The following ELAPOR1 variants were observed in gnomAD, a reference collection of about 807,000 sequenced individuals.
The protein encoded by ELAPOR1 is endosome/lysosome-associated apoptosis and autophagy regulator 1.
Under a neutral mutation model 119.7 loss-of-function variants are expected in ELAPOR1, and 77 were observed. The observed-to-expected ratio is 0.64, with a 90% CI of 0.54 to 0.78. ELAPOR1 has a LOEUF of 0.78. Ranked by LOEUF, ELAPOR1 falls within the 30% of genes least tolerant of loss-of-function variation. The pLI is 0.00. For synonymous variants in ELAPOR1, 481 were observed against 487.2 expected (o/e 0.99, Z 0.17); for missense variants, 1,115 against 1,270.4 (o/e 0.88, Z 1.86).
In ELAPOR1 at chr1:109,166,355, T is replaced by G. The variant is rs116155525; in HGVS notation, c.467+1664T>G. ...GGCATGGGCCACCTTGGCTGCTAAC[T>G]TCTGAAACTGATTCTGCCTAGCCTT... On this transcript the variant is annotated intron_variant, in intron 3 of 21. Coordinates refer to ENST00000369939, the MANE Select transcript of ELAPOR1 (RefSeq NM_020775.5). 7.9e-3 allele frequency among the ~76,000 whole-genome samples: 1,206 copies of G among 152,298 alleles called. 17 individuals carry two copies. The highest frequency in any genetic ancestry group is 0.022 in the African/African-American group (914 of 41,558).
intron 1 of ELAPOR1, among the ~76,000 whole-genome samples, chr1:109,152,861 G>A (rs1477804513): frequency 6.7e-6 from 1 of 149,900 alleles, no homozygotes; most frequent in Non-Finnish European, 1.5e-5. Context: ...TGAGAGGATG[G>A]CCTGAGTTCG....
intron 15 of ELAPOR1, among the ~76,000 whole-genome samples, chr1:109,195,472 C>T (rs904161701): frequency 3.3e-4 from 49 of 147,388 alleles, no homozygotes; most frequent in Admixed American, 9.6e-4. Flanking sequence ...CCAGCCTGGG[C>T]GACAGAGTGA....
intron 8 of ELAPOR1, chr1:109,187,330 G>C (rs1040249889): frequency 9.1e-6 from 9 of 985,404 alleles, no homozygotes; most frequent in African/African-American, 8.7e-5. Context: ...CCTCCGCAGG[G>C]AAGAGGGCCG....
intron 4 of ELAPOR1, 29 bp from the exon 5 acceptor site, chr1:109,172,459 A>T: frequency 6.4e-7 from 1 of 1,552,070 alleles, no homozygotes; most frequent in Non-Finnish European, 8.9e-7. Flanking sequence ...GAAAGCTGAG[A>T]CTCTGGTCCC....
intron 1 of ELAPOR1, among the ~76,000 whole-genome samples, chr1:109,116,123 A>G (rs982124955): frequency 1.4e-4 from 22 of 152,250 alleles, no homozygotes; most frequent in African/African-American, 5.3e-4. Flanking sequence ...AGGGAAGAAT[A>G]TTGATACTTG....
At chr1:109,187,955 G>A in intron 8 of ELAPOR1, 3 of 1,292,790 alleles carry the variant, frequency 2.3e-6, no homozygotes, top group Non-Finnish European at 3.0e-6. Flanking sequence ...TGTCACCCAG[G>A]CAACATTCAT....
intron 1 of ELAPOR1, among the ~76,000 whole-genome samples, chr1:109,139,066 C>T (rs927182108): frequency 6.6e-6 from 1 of 151,882 alleles, no homozygotes; most frequent in Non-Finnish European, 1.5e-5. Context: ...AAAGTTACCT[C>T]GTGGCTGGGC....
At position 109,183,590 on chromosome 1, in the gene ELAPOR1, T is replaced by TTCCCTCCC. The variant is rs768928752; in HGVS notation, c.953-1452_953-1451insCTCCCTCC. 1.1e-3 allele frequency among the ~76,000 whole-genome samples: 116 copies of TTCCCTCCC among 108,316 alleles called. 12 individuals are homozygous for TTCCCTCCC. Among genetic ancestry groups the TTCCCTCCC allele is most frequent in the Non-Finnish European group, 1.9e-3 (102 of 54,500 alleles). The allele number at this position is 108,316 out of a possible 152,430, so 71.1% of individuals were successfully genotyped here. A position where few individuals can be genotyped will look rare whatever the true frequency, so the allele number is the denominator to read the frequency against. ...CTTCCTTCCTTCCTTCCTTCCTTCCTTCCTTCCTTCCTTCCTTCCATCCTT... is the reference window on the plus strand; with the variant it reads ...CTTCCTTCCTTCCTTCCTTCCTTCCTTCCCTCCCTCCTTCCTTCCTTCCTTCCATCCTT... On this transcript the variant is annotated intron_variant, in intron 7 of 21. Transcript: ENST00000369939.
intron 7 of ELAPOR1, among the ~76,000 whole-genome samples, chr1:109,182,106 CAG>C (rs1353677024): frequency 7.9e-5 from 12 of 152,208 alleles, no homozygotes; most frequent in African/African-American, 2.4e-4. Context: ...CTAAGGCAGG[CAG>C]ATCACGAGGT....
rs145399888 is a variant in ELAPOR1 at position 109,186,256 on chromosome 1, G to T, written c.1041+1123G>T. 6.9e-3 allele frequency among the ~76,000 whole-genome samples: 1,054 copies of T among 152,232 alleles called. 14 individuals carry two copies. The highest frequency in any genetic ancestry group is 0.024 in the African/African-American group (1,003 of 41,528). On this transcript the variant is annotated intron_variant, in intron 8 of 21. Transcript: ENST00000369939. The stretch of plus-strand genomic sequence containing the variant: ...GGAGAGGAGGCGGCAGCTGGGCCAG[G>T]TGGGTGGAGAAACAGTGTAAGTGAG...
chr1:109,123,655 T>C (rs1008675973), intron 1 of ELAPOR1, among the ~76,000 whole-genome samples: 3 of 152,230 alleles, frequency 2.0e-5, no homozygotes, highest in Non-Finnish European at 4.4e-5. Flanking sequence ...ATTCTAATAA[T>C]TCAAGAAATA....
chr1:109,160,435 AAC>A (rs1489415071), intron 1 of ELAPOR1, among the ~76,000 whole-genome samples: 2 of 152,190 alleles, frequency 1.3e-5, no homozygotes, highest in African/African-American at 4.8e-5. Flanking sequence ...CTTAAAACAT[AAC>A]ACAATTCTTC....
intron 1 of ELAPOR1, among the ~76,000 whole-genome samples, chr1:109,160,365 C>A (rs957485847): frequency 1.3e-5 from 2 of 151,358 alleles, no homozygotes; most frequent in African/African-American, 4.9e-5. Context: ...TCTGAAATGC[C>A]ACTGCTTCTA....
intron 5 of ELAPOR1, among the ~76,000 whole-genome samples, chr1:109,173,245 G>A (rs1192579634): frequency 2.6e-5 from 4 of 152,112 alleles, no homozygotes; most frequent in African/African-American, 9.7e-5. Flanking sequence ...AGATGCTCAT[G>A]GTATATATGA....
chr1:109,182,740 G>A (rs908598999), intron 7 of ELAPOR1, among the ~76,000 whole-genome samples: 3 of 151,912 alleles, frequency 2.0e-5, no homozygotes, highest in East Asian at 3.9e-4. Context: ...GGTGGCGGGC[G>A]CCTGTAGTCC....
chr1:109,180,644 G>T (rs372899262), intron 7 of ELAPOR1, among the ~76,000 whole-genome samples: 2 of 152,172 alleles, frequency 1.3e-5, no homozygotes, highest in Admixed American at 6.5e-5. Flanking sequence ...TTTACCTTAA[G>T]CCCTGTCCCA....
At position 109,128,984 on chromosome 1, in the gene ELAPOR1, G is replaced by T. The variant is rs570937957; in HGVS notation, c.153+14648G>T. ...CCTGAACATTTAACATCTACCTGTA[G>T]CTCATTCTGGGATACATTTAAGAAA... On this transcript the variant is annotated intron_variant, in intron 1 of 21. Transcript: ENST00000369939. Among the ~76,000 whole-genome samples, 3 of 152,308 alleles carry T rather than the reference G, an allele frequency of 2.0e-5. No homozygotes were observed. In the East Asian group the frequency reaches 5.8e-4, roughly 29 times the overall value.
rs565557816 is a variant in ELAPOR1, at chr1:109,137,690, G to A, written c.153+23354G>A. ...ATTACAGGCATGCGCCACCACCCCC[G>A]GCTAATTTTGTATTTTTAGTAGAGA... is the stretch of plus-strand genomic sequence containing the variant. On this transcript the variant is annotated intron_variant, in intron 1 of 21. Coordinates refer to ENST00000369939, the MANE Select transcript of ELAPOR1 (RefSeq NM_020775.5). Among the ~76,000 whole-genome samples, 19 of 151,258 alleles carry A rather than the reference G, an allele frequency of 1.3e-4. No homozygotes were observed. In the East Asian group the frequency reaches 2.5e-3, roughly 20 times the overall value.
At chr1:109,167,646 T>A (rs559069491) in intron 3 of ELAPOR1, among the ~76,000 whole-genome samples, 6 of 152,138 alleles carry the variant, frequency 3.9e-5, no homozygotes, top group African/African-American at 1.4e-4. Context: ...TCTCACTCTG[T>A]CACCCAGGCT....
Sources: gnomAD v4.1 joint callset for allele counts (sites outside exome capture counted in the v4.1 genomes callset) on GRCh38, gnomAD v4.1.1 for gene constraint, MANE v1.5 for transcripts, NCBI Gene and HGNC (gene_info 2026-07-23, HGNC 2026-07-21) for gene names.